ERN1: variants seen among roughly 807,000 people sequenced by gnomAD.
ERN1 encodes the protein endoplasmic reticulum to nucleus signaling 1, also known as serine/threonine-protein kinase/endoribonuclease IRE1.
ERN1 carries 39 observed loss-of-function variants against 113.1 expected under a neutral mutation model. The ratio of observed to expected loss-of-function variants is 0.34; its 90% CI spans 0.27 to 0.45. The LOEUF (loss-of-function observed/expected upper bound fraction) is 0.45. Ranked by LOEUF, ERN1 falls within the 20% of genes least tolerant of loss-of-function variation. ERN1 has a pLI of 1.00. For missense variants in ERN1, 976 were observed against 1,274.8 expected, an observed-to-expected ratio of 0.77 and a Z score of 3.57; for synonymous variants, 507 against 515.9, an observed-to-expected ratio of 0.98 and a Z score of 0.23.
chr17:64,064,042 G>A lies in ERN1; in HGVS notation c.1031C>T (p.Pro344Leu). 6.2e-7 allele frequency: 1 copy of A among 1,613,934 alleles called. No homozygotes were observed. Residue 344 changes from proline to leucine, a missense_variant, in exon 10 of 22, where the codon CCC becomes CTC. By Grantham distance (98) the Pro-to-Leu change is moderately conservative. This residue lies in a region of ERN1 where 459 missense variants were observed against 581.2 expected (regional missense o/e 0.79). Coordinates refer to ENST00000433197, the MANE Select transcript of ERN1 (RefSeq NM_001433.5). ...ITPSTDVKFD[P>L]GLKSKNKLNY... is the part of the protein sequence containing the mutation. ...GAGCTTGTTCTTGCTTTTGAGTCCG[G>A]GATCAAACTTGACGTCCGTGCTGGG...
intron 5 of ERN1, among the ~76,000 whole-genome samples, chr17:64,072,921 T>C (rs911837425): frequency 6.6e-6 from 1 of 152,148 alleles, no homozygotes; most frequent in Non-Finnish European, 1.5e-5. Flanking sequence ...TTTATCTTCC[T>C]AACTTATTGG....
At position 64,044,156 on chromosome 17, in the gene ERN1, C is replaced by A. The variant is rs1330450589; in HGVS notation, c.2766G>T (p.Leu922=). Residue 922 remains leucine, a synonymous_variant, in exon 22 of 22, where the codon CTG becomes CTT. Coordinates refer to ENST00000433197, the MANE Select transcript of ERN1 (RefSeq NM_001433.5). The surrounding 1 kb of genome is among the most constrained non-coding windows in gnomAD (Gnocchi z 4.1). ...ACACGAAGTCGTCGGGGAGGGACCC[C>A]AGCGTCTCCCGCACCTCTGCAGGCA... ...RELPAEVRET[L]GSLPDDFVCY... The A allele has an allele frequency of 6.3e-7, 1 of 1,595,446 alleles. No individual in the cohort carries two copies. Among genetic ancestry groups the A allele is most frequent in the African/African-American group, 1.3e-5 (1 of 74,546 alleles).
At chr17:64,097,603 A>G (rs1400019346) in intron 2 of ERN1, among the ~76,000 whole-genome samples, 1 of 152,230 alleles carries the variant, frequency 6.6e-6, no homozygotes, top group East Asian at 1.9e-4. Flanking sequence ...ACATGGACGC[A>G]TGGTATGTTA....
Position 64,055,811 on chromosome 17 carries a change from G to A in ERN1, c.1536C>T (p.Asp512=), listed in dbSNP as rs1912846769. The part of the protein sequence containing the change: ...GDTAQDGELL[D]TSGPYSESSG... ...AGCTCTCTGAGTACGGGCCAGACGT[G>A]TCCAGGAGCTCGCCGTCCTGAGCCG... Residue 512 remains aspartate, a synonymous_variant, in exon 13 of 22, where the codon GAC becomes GAT. Transcript: ENST00000433197. The A allele has an allele frequency of 6.3e-7, 1 of 1,577,760 alleles. No homozygotes were observed. The highest frequency in any genetic ancestry group is 1.3e-5 in the African/African-American group (1 of 74,296).
At chr17:64,098,289 T>C (rs761178840) in intron 1 of ERN1, 48 bp from the exon 2 acceptor site, 3 of 1,612,034 alleles carry the variant, frequency 1.9e-6, no homozygotes, top group East Asian at 2.2e-5. Context: ...ATTCTTCACC[T>C]TGGGCATGTA....
In ERN1 at chr17:64,081,332, C is replaced by T. The variant is rs150821089; in HGVS notation, c.176-524G>A. Among the ~76,000 whole-genome samples the T allele has an allele frequency of 7.3e-3, 1,117 of 152,290 alleles. 16 individuals are homozygous for T. The highest frequency in any genetic ancestry group is 0.025 in the African/African-American group (1,042 of 41,542). On this transcript the variant is annotated intron_variant, in intron 2 of 21. Transcript: ENST00000433197. ...ATTCTAGAGCCTCCAAGTGTTCATT[C>T]CCTTTGGCCCCCCCATTGCATTTTT...
At chr17:64,105,574 CTG>C (rs918434034) in intron 1 of ERN1, among the ~76,000 whole-genome samples, 10 of 151,954 alleles carry the variant, frequency 6.6e-5, no homozygotes, top group Non-Finnish European at 1.5e-4. Flanking sequence ...GGTTTTTTCT[CTG>C]TGTGTGTGTG....
At chr17:64,056,922 G>A (rs1005614090) in intron 12 of ERN1, among the ~76,000 whole-genome samples, 45 of 152,266 alleles carry the variant, frequency 3.0e-4, no homozygotes, top group African/African-American at 1.1e-3. Context: ...ATTCCTGGGC[G>A]GGTCATTAGC....
rs1913101146 is a variant in ERN1, at chr17:64,063,006, G to A, written c.1087+980C>T. Among the ~76,000 whole-genome samples, 1 of 152,232 alleles carries A rather than the reference G, an allele frequency of 6.6e-6. No individual in the cohort carries two copies. Among genetic ancestry groups the A allele is most frequent in the Non-Finnish European group, 1.5e-5 (1 of 68,042 alleles). ...CCCACCTACACCGCACTGCCTGGCA[G>A]ATCCTGCTGTTTCCTGGTCCCCACA... On this transcript the variant is annotated intron_variant, in intron 10 of 21. Coordinates refer to ENST00000433197, the MANE Select transcript of ERN1 (RefSeq NM_001433.5). The surrounding 1 kb of genome is among the most constrained non-coding windows in gnomAD (Gnocchi z 5.1).
At chr17:64,123,381 T>C (rs1448741905) in intron 1 of ERN1, among the ~76,000 whole-genome samples, 3 of 152,166 alleles carry the variant, frequency 2.0e-5, no homozygotes, top group Admixed American at 6.5e-5. Flanking sequence ...AAATAAAACA[T>C]TTTCTCAATA....
chr17:64,049,120 A>G lies in ERN1; in HGVS notation c.2336T>C (p.Leu779Pro), dbSNP rs1057121225. ...SEGSHPFGKSLQRQANILLGA... is the reference protein window; with the variant it reads ...SEGSHPFGKSPQRQANILLGA... Reference sequence around the variant, plus strand: ...CAGGAGGATGTTGGCCTGCCGCTGCAGGGACTTGCCAAAAGGGTGGCTGCC... The same window carrying G: ...CAGGAGGATGTTGGCCTGCCGCTGCGGGGACTTGCCAAAAGGGTGGCTGCC... The change falls in exon 18 of 22, where the codon CTG (leucine) becomes CCG (proline). Residue 779 changes from leucine to proline, a missense_variant. Leu to Pro is a moderately conservative substitution (Grantham distance 98, BLOSUM62 -3). Around this residue, in one of 5 missense-constraint regions of ERN1, gnomAD observed 297 missense variants for 457.8 expected, o/e 0.65. Transcript: ENST00000433197. This position sits in a 1 kb window ranked among gnomAD's most constrained non-coding sequence, Gnocchi z 4.7. 2.5e-6 allele frequency: 4 copies of G among 1,611,022 alleles called. No homozygotes were observed.
intron 6 of ERN1, among the ~76,000 whole-genome samples, chr17:64,071,168 C>G (rs1247190083): frequency 2.0e-5 from 3 of 152,242 alleles, no homozygotes; most frequent in South Asian, 4.1e-4. Context: ...ATGGCTGCCA[C>G]TACAGGCCTG....
intron 7 of ERN1, among the ~76,000 whole-genome samples, chr17:64,067,333 T>C (rs1217439613): frequency 1.4e-5 from 2 of 146,142 alleles, no homozygotes; most frequent in African/African-American, 2.6e-5. Flanking sequence ...CTCATGTCTA[T>C]AAGCCCAAGA....
At chr17:64,112,171 C>G (rs1329896803) in intron 1 of ERN1, among the ~76,000 whole-genome samples, 1 of 152,056 alleles carries the variant, frequency 6.6e-6, no homozygotes, top group Non-Finnish European at 1.5e-5. Context: ...AGTTCAAGAC[C>G]AGCCTAGCCA....
chr17:64,119,376 G>GTTGT (rs777806993), intron 1 of ERN1, among the ~76,000 whole-genome samples: 1,011 of 77,904 alleles, frequency 0.013, 67 homozygotes, highest in South Asian at 0.021. Flanking sequence ...TTTTTTCTAG[G>GTTGT]TTTTTTTTTT....
rs574383837 is a variant in ERN1 at position 64,063,948 on chromosome 17, G to A, written c.1087+38C>T. 1.0e-5 allele frequency: 16 copies of A among 1,601,960 alleles called. 1 individual carries two copies. In the South Asian group the frequency reaches 1.7e-4, roughly 17 times the overall value. ...GCGGTCGCCCACCAGGAGGCAGCAC[G>A]CTGTCACCTCAGGCTACTGTGGGAG... is the stretch of plus-strand genomic sequence containing the variant. On this transcript the variant is annotated intron_variant, in intron 10 of 21. Transcript: ENST00000433197. This position sits in a 1 kb window ranked among gnomAD's most constrained non-coding sequence, Gnocchi z 5.1.
In ERN1 at chr17:64,112,560, G is replaced by A. The variant is rs957065471; in HGVS notation, c.55-14319C>T. Among the ~76,000 whole-genome samples the A allele has an allele frequency of 8.5e-5, 13 of 152,152 alleles. 1 individual carries two copies. Among genetic ancestry groups the A allele is most frequent in the African/African-American group, 3.1e-4 (13 of 41,414 alleles). On this transcript the variant is annotated intron_variant, in intron 1 of 21. Coordinates refer to ENST00000433197, the MANE Select transcript of ERN1 (RefSeq NM_001433.5). Reference sequence around the variant, plus strand: ...AGTTCCTGAGCAGTATAATGTGGTTGTTAAAAAGGTAGATTGTGGAGCCAG... The same window carrying A: ...AGTTCCTGAGCAGTATAATGTGGTTATTAAAAAGGTAGATTGTGGAGCCAG...
At chr17:64,055,633 G>A (rs776448898) in intron 13 of ERN1, 42 bp downstream of exon 13, 27 of 1,518,424 alleles carry the variant, frequency 1.8e-5, no homozygotes, top group African/African-American at 2.8e-5. Flanking sequence ...GGAGGTGCTC[G>A]AATAAAACAT....
In ERN1 at chr17:64,040,938, G is replaced by A. The variant is rs966687753; in HGVS notation, c.*3050C>T. On this transcript the variant is annotated 3_prime_UTR_variant, in exon 22 of 22. Coordinates refer to ENST00000433197, the MANE Select transcript of ERN1 (RefSeq NM_001433.5). The stretch of plus-strand genomic sequence containing the variant: ...AGGCAGGCGGATCACGAGGTTAGGA[G>A]ATCGAGACCATCCTGCCTAACATGG... The A allele has an allele frequency of 2.0e-5, 3 of 152,202 alleles. No homozygotes were observed. The highest frequency in any genetic ancestry group is 4.4e-5 in the Non-Finnish European group (3 of 68,076). 9.4% of individuals were successfully genotyped at this position (152,202 alleles called of 1,614,324 possible).
Sources: gnomAD v4.1 joint callset for allele counts (sites outside exome capture counted in the v4.1 genomes callset) on GRCh38, gnomAD v4.1.1 for gene constraint, gnomAD v4.1.1 regional missense constraint, Gnocchi (gnomAD v3.1) non-coding constraint, MANE v1.5 for transcripts, NCBI Gene and HGNC (gene_info 2026-07-23, HGNC 2026-07-21) for gene names.